Variants in VCAN observed in about 807,000 individuals in gnomAD.
VCAN encodes versican core protein.
Under a neutral mutation model 245.5 loss-of-function variants are expected in VCAN, and 44 were observed. The ratio of observed to expected loss-of-function variants is 0.18; its 90% CI spans 0.14 to 0.23. The LOEUF is 0.23. VCAN is among the 10% of genes least tolerant of loss of function. The pLI, the probability that VCAN is intolerant of heterozygous loss-of-function variation, is 1.00. For synonymous variants in VCAN, 1,413 were observed against 1,437.0 expected (o/e 0.98, Z 0.38); for missense variants, 3,793 against 4,057.9 (o/e 0.93, Z 1.77).
chr5:83,544,020 A>G (rs1273834451), intron 8 of VCAN, among the ~76,000 whole-genome samples: 1 of 152,196 alleles, frequency 6.6e-6, no homozygotes, highest in African/African-American at 2.4e-5. Context: ...CATGGTGTCT[A>G]GTGTCAGTGG....
chr5:83,506,330 C>G (rs1745482840), intron 5 of VCAN, among the ~76,000 whole-genome samples: 2 of 152,152 alleles, frequency 1.3e-5, no homozygotes, highest in African/African-American at 4.8e-5. Flanking sequence ...CTCTTGAATG[C>G]TTTGGTGCTT....
chr5:83,519,736 T>A lies in VCAN; in HGVS notation c.1430T>A (p.Val477Asp), dbSNP rs757343082. 6.2e-7 allele frequency: 1 copy of A among 1,614,134 alleles called. No homozygotes were observed. The highest frequency in any genetic ancestry group is 2.2e-5 in the East Asian group (1 of 44,888). Reference protein sequence around the residue: ...SHYATDSWDGVVEDKQTQESV... With the variant: ...SHYATDSWDGDVEDKQTQESV... ...TATGCTACGGATTCATGGGATGGTG[T>A]CGTGGAAGATAAACAAACACAAGAA... The change falls in exon 7 of 15, where the codon GTC (valine) becomes GAC (aspartate). Residue 477 changes from valine (V) to aspartate (D), a missense_variant. By Grantham distance (152) the Val-to-Asp change is radical (BLOSUM62 -3). Coordinates refer to ENST00000265077, the MANE Select transcript of VCAN (RefSeq NM_004385.5).
intron 7 of VCAN, among the ~76,000 whole-genome samples, chr5:83,524,340 G>A (rs1746210336): frequency 1.3e-5 from 2 of 152,124 alleles, no homozygotes; most frequent in Non-Finnish European, 2.9e-5. Context: ...CTTCTAAAAT[G>A]TGAGACTATA....
At position 83,490,116 on chromosome 5, in the gene VCAN, C is replaced by T. The variant is rs202176395; in HGVS notation, c.89C>T (p.Pro30Leu). 6.8e-6 allele frequency: 11 copies of T among 1,613,878 alleles called. No homozygotes were observed. Among genetic ancestry groups the T allele is most frequent in the South Asian group, 1.1e-5 (1 of 91,088 alleles). Residue 30 changes from proline (P) to leucine (L), a missense_variant, in exon 3 of 15, where the codon CCA becomes CTA. Around this residue, in one of 5 missense-constraint regions of VCAN, gnomAD observed 179 missense variants for 169.7 expected, o/e 1.05. Transcript: ENST00000265077. ...ALHKVKVGKS[P>L]PVRGSLSGKV... ...CCTCTAGTCAAAGTGGGAAAAAGCCCACCGGTGAGGGGCTCCCTCTCTGGA... is the reference window on the plus strand; with the variant it reads ...CCTCTAGTCAAAGTGGGAAAAAGCCTACCGGTGAGGGGCTCCCTCTCTGGA...
At chr5:83,533,819 G>C (rs142916333) in intron 7 of VCAN, among the ~76,000 whole-genome samples, 29 of 152,230 alleles carry the variant, frequency 1.9e-4, no homozygotes, top group African/African-American at 6.7e-4. Context: ...TGAGCAATTG[G>C]AAGTGTTAGA....
At chr5:83,509,067 GAA>G (rs1561237368) in intron 5 of VCAN, among the ~76,000 whole-genome samples, 3 of 82,568 alleles carry the variant, frequency 3.6e-5, no homozygotes, top group African/African-American at 1.4e-4. Flanking sequence ...AGAAAGAAAA[GAA>G]AGAAAGAAAG....
intron 1 of VCAN, among the ~76,000 whole-genome samples, chr5:83,479,722 G>A (rs1312851286): frequency 1.3e-5 from 2 of 152,164 alleles, no homozygotes; most frequent in Non-Finnish European, 2.9e-5. Context: ...GACAAAAGAT[G>A]TAACTTAATG....
chr5:83,538,075 C>T lies in VCAN; in HGVS notation c.5072C>T (p.Pro1691Leu). 1 of 1,614,062 alleles carries T rather than the reference C, an allele frequency of 6.2e-7. No individual in the cohort carries two copies. The highest frequency in any genetic ancestry group is 8.5e-7 in the Non-Finnish European group (1 of 1,179,978). ...FFEVPATTIY[P>L]VSEQPSAKVV... ...GAGGTTCCTGCAACCACCATTTATC[C>T]AGTTTCTGAACAACCTTCTGCAAAA... Residue 1691 changes from proline to leucine, a missense_variant, in exon 8 of 15, where the codon CCA (proline) becomes CTA (leucine). Around this residue, in one of 5 missense-constraint regions of VCAN, gnomAD observed 3,182 missense variants for 3,250.3 expected, o/e 0.98. Transcript: ENST00000265077.
At chr5:83,560,431 A>G (rs1420496034) in intron 12 of VCAN, among the ~76,000 whole-genome samples, 2 of 152,134 alleles carry the variant, frequency 1.3e-5, no homozygotes, top group Non-Finnish European at 2.9e-5. Flanking sequence ...TACTTTTTAT[A>G]GATGCTTTGG....
chr5:83,525,029 C>T (rs1047262856), intron 7 of VCAN, among the ~76,000 whole-genome samples: 3 of 149,004 alleles, frequency 2.0e-5, no homozygotes, highest in Admixed American at 6.8e-5. Flanking sequence ...CTGCACTCAG[C>T]GAGTCATATA....
intron 3 of VCAN, 36 bp from the exon 4 acceptor site, chr5:83,493,510 G>C: frequency 6.2e-7 from 1 of 1,612,348 alleles, no homozygotes; most frequent in South Asian, 1.1e-5. Context: ...TGGGAGATTT[G>C]AACAGGCTGG....
At chr5:83,577,695 C>T (rs1239079394) in intron 13 of VCAN, among the ~76,000 whole-genome samples, 1 of 152,098 alleles carries the variant, frequency 6.6e-6, no homozygotes, top group East Asian at 1.9e-4. Flanking sequence ...ATATTTCAAC[C>T]ATCTAGAATT....
intron 7 of VCAN, among the ~76,000 whole-genome samples, chr5:83,530,451 G>A (rs1228189859): frequency 6.6e-6 from 1 of 152,120 alleles, no homozygotes; most frequent in East Asian, 1.9e-4. Context: ...GGTCCAGACA[G>A]TGTTCAGAAC....
intron 5 of VCAN, among the ~76,000 whole-genome samples, chr5:83,510,776 T>C (rs1745627368): frequency 6.6e-6 from 1 of 152,212 alleles, no homozygotes; most frequent in African/African-American, 2.4e-5. Flanking sequence ...ATATACCCTC[T>C]GCTAATTAGA....
At position 83,521,759 on chromosome 5, in the gene VCAN, A is replaced by G. The variant is rs755792110; in HGVS notation, c.3453A>G (p.Thr1151=). The change falls in exon 7 of 15, where the codon ACA becomes ACG. Residue 1151 remains threonine (T), a synonymous_variant. Transcript: ENST00000265077. ...AAGGTAGTAGTACAACAGGATTTAC[A>G]TCATCTTTGAGTCCTTTTAGTACCC... The part of the protein sequence containing the change: ...ETEGSSTTGF[T]SSLSPFSTHI... 50 of 1,614,094 alleles carry G rather than the reference A, an allele frequency of 3.1e-5. No individual in the cohort carries two copies. The highest frequency in any genetic ancestry group is 4.0e-5 in the African/African-American group (3 of 74,936).
At chr5:83,546,837 T>C (rs1385377990) in intron 9 of VCAN, among the ~76,000 whole-genome samples, 1 of 152,206 alleles carries the variant, frequency 6.6e-6, no homozygotes, top group Non-Finnish European at 1.5e-5. Flanking sequence ...GACTAAGAAA[T>C]TTAACTTGCT....
chr5:83,549,106 C>T (rs1039759597), intron 10 of VCAN, among the ~76,000 whole-genome samples: 2 of 152,112 alleles, frequency 1.3e-5, no homozygotes, highest in African/African-American at 4.8e-5. Context: ...AGAAAGATGG[C>T]ATTTGTTGAA....
At position 83,539,175 on chromosome 5, in the gene VCAN, T is replaced by G. The variant is rs1234335415; in HGVS notation, c.6172T>G (p.Ser2058Ala). Residue 2058 changes from serine (S) to alanine (A), a missense_variant, in exon 8 of 15, where the codon TCC (serine) becomes GCC (alanine). Ser to Ala is a moderately conservative substitution (Grantham distance 99). Coordinates refer to ENST00000265077, the MANE Select transcript of VCAN (RefSeq NM_004385.5). The part of the protein sequence containing the change: ...VGTVNEIDRR[S>A]TILPTAEVEG... ...TACTGTCAATGAAATTGATAGAAGA[T>G]CCACCATTTTACCAACAGCAGAAGT... is the stretch of plus-strand genomic sequence containing the variant. The G allele has an allele frequency of 1.9e-6, 3 of 1,613,790 alleles. No homozygotes were observed. Among genetic ancestry groups the G allele is most frequent in the Non-Finnish European group, 2.5e-6 (3 of 1,179,952 alleles).
At chr5:83,502,009 T>C (rs1049521704) in intron 5 of VCAN, among the ~76,000 whole-genome samples, 1 of 152,210 alleles carries the variant, frequency 6.6e-6, no homozygotes, top group Admixed American at 6.5e-5. Flanking sequence ...TTTGCAGTTC[T>C]TTTGTTAAAT....
Sources: gnomAD v4.1 joint callset for allele counts (sites outside exome capture counted in the v4.1 genomes callset) on GRCh38, gnomAD v4.1.1 for gene constraint, gnomAD v4.1.1 regional missense constraint, MANE v1.5 for transcripts, NCBI Gene and HGNC (gene_info 2026-07-23, HGNC 2026-07-21) for gene names.